ZNF835: variants seen among roughly 807,000 people sequenced by gnomAD.
The protein encoded by ZNF835 is zinc finger protein 835.
For synonymous variants in ZNF835, 323 were observed against 324.7 expected, an observed-to-expected ratio of 0.99 and a Z score of 0.06; for missense variants, 783 against 758.4, an observed-to-expected ratio of 1.03 and a Z score of -0.38.
Position 56,664,739 on chromosome 19 carries a change from T to G in ZNF835, c.460A>C (p.Thr154Pro). The change falls in exon 2 of 2, where the codon ACC becomes CCC. Residue 154 changes from threonine (T) to proline (P), a missense_variant. Transcript: ENST00000537055. Reference sequence around the variant, plus strand: ...CCCGTGTGCGTGCGCTGGTGCAGGGTCAGGTGCACGCTCTGGCTGAAGGCC... The same window carrying G: ...CCCGTGTGCGTGCGCTGGTGCAGGGGCAGGTGCACGCTCTGGCTGAAGGCC... ...GKAFSQSVHL[T>P]LHQRTHTGEK... 2 of 1,611,908 alleles carry G rather than the reference T, an allele frequency of 1.2e-6. No homozygotes were observed. Among genetic ancestry groups the G allele is most frequent in the Non-Finnish European group, 8.5e-7 (1 of 1,178,606 alleles).
chr19:56,667,648 T>C (rs2045257219), intron 1 of ZNF835, among the ~76,000 whole-genome samples: 1 of 152,218 alleles, frequency 6.6e-6, no homozygotes. Context: ...GGTACACTCC[T>C]GCTGCTGCTG....
rs201104681 is a variant in ZNF835 at position 56,664,446 on chromosome 19, C to G, written c.753G>C (p.Glu251Asp). 1.5e-3 allele frequency: 2,339 copies of G among 1,611,320 alleles called. 3 individuals carry two copies. Among genetic ancestry groups the G allele is most frequent in the Non-Finnish European group, 1.8e-3 (2,170 of 1,179,144 alleles). The change falls in exon 2 of 2, where the codon GAG (glutamate) becomes GAC (aspartate). Residue 251 changes from glutamate (E) to aspartate (D), a missense_variant. Physicochemically the swap from Glu to Asp is conservative, Grantham distance 45. Coordinates refer to ENST00000537055, the MANE Select transcript of ZNF835 (RefSeq NM_001005850.3). ...QRIHTGEKPY[E>D]CSACAKAFRF... ...GGAAGGCCTTGGCGCACGCGGAGCA[C>G]TCGTAGGGCTTCTCACCGGTGTGGA... is the stretch of plus-strand genomic sequence containing the variant.
rs749800182 is a variant in ZNF835, at chr19:56,664,602, G to T, written c.597C>A (p.Cys199Ter). ...GCGTGACGCGCGTGAAGGCCTTGCC[G>T]CAGTCGGCGCAGCGGTGCGGCTTCT... ...TGEKPHRCAD[C>*]GKAFTRVTHL... The change falls in exon 2 of 2, where the codon TGC (cysteine) becomes TGA (stop). Residue 199 changes from cysteine to a stop codon, truncating the protein, a stop_gained. Coordinates refer to ENST00000537055, the MANE Select transcript of ZNF835 (RefSeq NM_001005850.3). LOFTEE classifies it low-confidence loss of function (END_TRUNC). The T allele has an allele frequency of 2.5e-6, 4 of 1,604,724 alleles. No individual in the cohort carries two copies. The highest frequency in any genetic ancestry group is 2.6e-6 in the Non-Finnish European group (3 of 1,175,680).
Position 56,664,728 on chromosome 19 carries a change from C to G in ZNF835, c.471G>C (p.Gln157His), listed in dbSNP as rs77114013. 0.024 allele frequency: 39,397 copies of G among 1,613,898 alleles called. 600 individuals are homozygous for G. Among genetic ancestry groups the G allele is most frequent in the East Asian group, 0.037 (1,663 of 44,854 alleles). ...AGGGCTTCTCGCCCGTGTGCGTGCG[C>G]TGGTGCAGGGTCAGGTGCACGCTCT... ...FSQSVHLTLH[Q>H]RTHTGEKPYA... The change falls in exon 2 of 2, where the codon CAG becomes CAC. Residue 157 changes from glutamine to histidine, a missense_variant. Transcript: ENST00000537055.
At position 56,664,258 on chromosome 19, in the gene ZNF835, A is replaced by T. The variant is rs1418022466; in HGVS notation, c.941T>A (p.Leu314His). The change falls in exon 2 of 2, where the codon CTC becomes CAC. Residue 314 changes from leucine to histidine, a missense_variant. Coordinates refer to ENST00000537055, the MANE Select transcript of ZNF835 (RefSeq NM_001005850.3). ...GGCCAGAGAGGCGCTCTGGCTGAAG[A>T]GCGCGCCGCAGTCCTGGCACGTGTA... ...KPYTCQDCGA[L>H]FSQSASLAEH... 4 of 1,541,548 alleles carry T rather than the reference A, an allele frequency of 2.6e-6. No homozygotes were observed. In the South Asian group the frequency reaches 3.5e-5, roughly 14 times the overall value.
rs2045217413 is a variant in ZNF835 at position 56,664,199 on chromosome 19, A to G, written c.1000T>C (p.Tyr334His). 6.2e-7 allele frequency: 1 copy of G among 1,605,906 alleles called. No homozygotes were observed. Among genetic ancestry groups the G allele is most frequent in the South Asian group, 1.1e-5 (1 of 90,228 alleles). The change falls in exon 2 of 2, where the codon TAC (tyrosine) becomes CAC (histidine). Residue 334 changes from tyrosine (Y) to histidine (H), a missense_variant. Physicochemically the swap from Tyr to His is moderately conservative, Grantham distance 83. Transcript: ENST00000537055. The part of the protein sequence containing the change: ...HRRIHTGEKP[Y>H]ACGQCAKAFT... ...GCCTTGGCGCACTGGCCGCACGCGT[A>G]GGGCTTCTCGCCTGTGTGGATGCGC...
At chr19:56,670,117 C>T (rs899789229) in intron 1 of ZNF835, among the ~76,000 whole-genome samples, 10 of 147,062 alleles carry the variant, frequency 6.8e-5, no homozygotes, top group South Asian at 2.2e-4. Flanking sequence ...CAGGAGTCCT[C>T]CATTAGCATA....
Position 56,663,542 on chromosome 19 carries a change from C to G in ZNF835, c.*43G>C. ...GGAAGCGTCGGGGATAACACAGTAT[C>G]TCCCCCATAGCATTGTGAGGTTGGA... On this transcript the variant is annotated 3_prime_UTR_variant, in exon 2 of 2. Transcript: ENST00000537055. 6.2e-7 allele frequency: 1 copy of G among 1,610,292 alleles called. No individual in the cohort carries two copies. The highest frequency in any genetic ancestry group is 1.3e-5 in the African/African-American group (1 of 74,930).
At chr19:56,668,825 G>C (rs57866011) in intron 1 of ZNF835, among the ~76,000 whole-genome samples, 39,030 of 151,444 alleles carry the variant, frequency 0.26, 5,418 homozygotes, top group East Asian at 0.48. Flanking sequence ...AGAACTTGCT[G>C]GTGGGGGCCA....
In ZNF835 at chr19:56,664,797, C is replaced by G. The variant is rs991565998; in HGVS notation, c.402G>C (p.Gly134=). ...AFILHQRIHT[G]EKPFACPECG... is the part of the protein sequence containing the mutation. ...ACTCGGGGCACGCAAATGGCTTCTC[C>G]CCGGTGTGGATTCTCTGGTGTAAGA... Residue 134 remains glycine, a synonymous_variant, in exon 2 of 2, where the codon GGG becomes GGC. Coordinates refer to ENST00000537055, the MANE Select transcript of ZNF835 (RefSeq NM_001005850.3). 3 of 1,611,170 alleles carry G rather than the reference C, an allele frequency of 1.9e-6. No individual in the cohort carries two copies. Among genetic ancestry groups the G allele is most frequent in the Non-Finnish European group, 2.5e-6 (3 of 1,177,734 alleles).
intron 1 of ZNF835, among the ~76,000 whole-genome samples, chr19:56,669,432 G>A (rs1475081741): frequency 6.6e-6 from 1 of 152,184 alleles, no homozygotes; most frequent in African/African-American, 2.4e-5. Context: ...CCTCCCAGGA[G>A]GTAGGGGCTG....
rs1325143247 is a variant in ZNF835 at position 56,662,198 on chromosome 19, A to T, written c.*1387T>A. 1 of 151,940 alleles carries T rather than the reference A, an allele frequency of 6.6e-6. No individual in the cohort carries two copies. Among genetic ancestry groups the T allele is most frequent in the Non-Finnish European group, 1.5e-5 (1 of 68,018 alleles). 9.4% of individuals were successfully genotyped at this position (151,940 alleles called of 1,614,324 possible). A position where few individuals can be genotyped will look rare whatever the true frequency, so the allele number is the denominator to read the frequency against. On this transcript the variant is annotated 3_prime_UTR_variant, in exon 2 of 2. Coordinates refer to ENST00000537055, the MANE Select transcript of ZNF835 (RefSeq NM_001005850.3). ...TGCCTGTGTGTCCACTCCCTCTCAG[A>T]CTCCTGCCACCTCCCTGAGAACACA... is the stretch of plus-strand genomic sequence containing the variant.
chr19:56,668,584 G>C (rs953578041), intron 1 of ZNF835, among the ~76,000 whole-genome samples: 1 of 152,006 alleles, frequency 6.6e-6, no homozygotes, highest in East Asian at 1.9e-4. Context: ...TGCTCTTCCC[G>C]CAGCGTGTGC....
In ZNF835 at chr19:56,664,495, G is replaced by A. The variant is rs376493436; in HGVS notation, c.704C>T (p.Ser235Leu). 12 of 1,611,830 alleles carry A rather than the reference G, an allele frequency of 7.4e-6. No homozygotes were observed. The highest frequency in any genetic ancestry group is 1.1e-5 in the South Asian group (1 of 91,006). ...GATGCGCTGGTGCTCTATCAGGGAC[G>A]AGCGGTTGCGGAACGCCTTGGCGCA... is the stretch of plus-strand genomic sequence containing the variant. Reference protein sequence around the residue: ...AQCAKAFRNRSSLIEHQRIHT... With the variant: ...AQCAKAFRNRLSLIEHQRIHT... Residue 235 changes from serine (S) to leucine (L), a missense_variant, in exon 2 of 2, where the codon TCG (serine) becomes TTG (leucine). By Grantham distance (145) the Ser-to-Leu change is moderately radical. Coordinates refer to ENST00000537055, the MANE Select transcript of ZNF835 (RefSeq NM_001005850.3).
intron 1 of ZNF835, among the ~76,000 whole-genome samples, chr19:56,668,726 G>A (rs2045265828): frequency 8.7e-6 from 1 of 115,410 alleles, no homozygotes; most frequent in African/African-American, 3.1e-5. Flanking sequence ...AGGGGGTGGG[G>A]CTGGACAGAG....
At chr19:56,666,490 T>C (rs73053218) in intron 1 of ZNF835, among the ~76,000 whole-genome samples, 15,172 of 152,246 alleles carry the variant, frequency 0.1, 894 homozygotes, top group African/African-American at 0.15. Context: ...GGCAGCCGTC[T>C]GCAAGCCAGG....
chr19:56,671,070 CTCACAGGCAG>C (rs1030497763), intron 1 of ZNF835, among the ~76,000 whole-genome samples: 3 of 152,220 alleles, frequency 2.0e-5, no homozygotes, highest in African/African-American at 7.2e-5. Flanking sequence ...CGGGGACGGG[CTCACAGGCAG>C]TCACACACCT....
chr19:56,665,271 A>T (rs766430335), intron 1 of ZNF835, 26 bp from the exon 2 acceptor site: 4 of 1,588,650 alleles, frequency 2.5e-6, no homozygotes, highest in Non-Finnish European at 3.4e-6. Flanking sequence ...TAGAAAAAAA[A>T]ATTAAATGTT....
In ZNF835 at chr19:56,665,228, C is replaced by T; in HGVS notation, c.-30G>A. ...GATCCCTGGGCTGCTGTCTTGATCT[C>T]ACATCTTTTCTCTGGGTCTGAAAAG... is the stretch of plus-strand genomic sequence containing the variant. On this transcript the variant is annotated 5_prime_UTR_variant, in exon 2 of 2. An upstream open reading frame in the 5' UTR loses its in-frame stop. Coordinates refer to ENST00000537055, the MANE Select transcript of ZNF835 (RefSeq NM_001005850.3). 1 of 1,611,480 alleles carries T rather than the reference C, an allele frequency of 6.2e-7. No individual in the cohort carries two copies. The highest frequency in any genetic ancestry group is 1.1e-5 in the South Asian group (1 of 90,648).
Sources: allele counts gnomAD v4.1 joint callset (sites outside exome capture counted in the v4.1 genomes callset), GRCh38; gene constraint gnomAD v4.1.1; transcripts MANE v1.5; gene names NCBI Gene and HGNC (gene_info 2026-07-23, HGNC 2026-07-21).